The following LRRC4C variants were observed in gnomAD, a reference collection of about 807,000 sequenced individuals.
The protein encoded by LRRC4C is leucine-rich repeat-containing protein 4C.
LRRC4C carries 5 observed loss-of-function variants against 33.6 expected under a neutral mutation model. The observed-to-expected ratio is 0.15, with a 90% CI of 0.08 to 0.31. The LOEUF (loss-of-function observed/expected upper bound fraction) is 0.31. Among genes scored for constraint, LRRC4C ranks in the 10% least tolerant of loss-of-function variants. The pLI is 1.00. For synonymous variants in LRRC4C, 329 were observed against 302.0 expected (o/e 1.09, Z -0.93); for missense variants, 560 against 796.7 (o/e 0.70, Z 3.58).
intron 3 of LRRC4C, among the ~76,000 whole-genome samples, chr11:40,568,411 C>G (rs192863580): frequency 9.2e-5 from 14 of 152,248 alleles, no homozygotes; most frequent in Middle Eastern, 3.4e-3. Flanking sequence ...GCCCCTGGGC[C>G]GGAAGAGCCA....
chr11:41,036,692 A>C, intron 1 of LRRC4C, among the ~76,000 whole-genome samples: 1 of 152,338 alleles, frequency 6.6e-6, no homozygotes, highest in Non-Finnish European at 1.5e-5. Flanking sequence ...ATACAAATAT[A>C]AAATAATGTC....
At chr11:40,138,512 T>A (rs553586736) in intron 6 of LRRC4C, among the ~76,000 whole-genome samples, 1 of 152,314 alleles carries the variant, frequency 6.6e-6, no homozygotes, top group East Asian at 1.9e-4. Flanking sequence ...TTAGAAGTGC[T>A]CCTATCAATT....
rs370574515 is a variant in LRRC4C, at chr11:41,411,142, A to ATTTTTTTT, written c.-496+48281_-496+48288dup. ...ATGAGAAACACTTGGTTGGTACCCTATTTTTTTTTTTTTTTTTTTTTTTTG... is the reference window on the plus strand; with the variant it reads ...ATGAGAAACACTTGGTTGGTACCCTATTTTTTTTTTTTTTTTTTTTTTTTTTTTTTTTG... On this transcript the variant is annotated intron_variant, in intron 1 of 6. Coordinates refer to ENST00000528697, the MANE Select transcript of LRRC4C (RefSeq NM_001258419.2). 3.9e-3 allele frequency among the ~76,000 whole-genome samples: 221 copies of ATTTTTTTT among 57,210 alleles called. 41 individuals carry two copies. Among genetic ancestry groups the ATTTTTTTT allele is most frequent in the East Asian group, 0.012 (19 of 1,630 alleles). The allele number at this position is 57,210 out of a possible 152,430, so 37.5% of individuals were successfully genotyped here.
chr11:40,682,519 T>C (rs1158464199), intron 2 of LRRC4C, among the ~76,000 whole-genome samples: 1 of 152,094 alleles, frequency 6.6e-6, no homozygotes. Context: ...TTCACACCTA[T>C]AATCCCAGCA....
chr11:40,840,320 T>A (rs1044990361), intron 2 of LRRC4C, among the ~76,000 whole-genome samples: 1 of 152,196 alleles, frequency 6.6e-6, no homozygotes, highest in Admixed American at 6.5e-5. Context: ...CCAGCCTTCA[T>A]CCTACCAACA....
chr11:40,218,740 T>TATCTATCCATCCATTCATCTATCC (rs1491491352), intron 5 of LRRC4C, among the ~76,000 whole-genome samples: 1 of 134,540 alleles, frequency 7.4e-6, no homozygotes, highest in Non-Finnish European at 1.6e-5. Context: ...TCTATCTATC[T>TATCTATCCATCCATTCATCTATCC]ATCCATCCAT....
intron 1 of LRRC4C, among the ~76,000 whole-genome samples, chr11:41,045,771 T>A (rs574809772): frequency 6.6e-6 from 1 of 151,926 alleles, no homozygotes; most frequent in African/African-American, 2.4e-5. Flanking sequence ...CCTATCTCAG[T>A]GAGAGGTGAG....
intron 3 of LRRC4C, among the ~76,000 whole-genome samples, chr11:40,395,533 A>T (rs1690542736): frequency 6.6e-6 from 1 of 152,202 alleles, no homozygotes; most frequent in Non-Finnish European, 1.5e-5. Context: ...AATGGATTAG[A>T]TATCAAAGAA....
chr11:41,363,682 G>C (rs1464144507), intron 1 of LRRC4C, among the ~76,000 whole-genome samples: 5 of 152,130 alleles, frequency 3.3e-5, no homozygotes, highest in African/African-American at 7.2e-5. Context: ...AAGTAAATTA[G>C]ATATTTTTTG....
chr11:41,096,602 T>C (rs557542071), intron 1 of LRRC4C, among the ~76,000 whole-genome samples: 1 of 151,808 alleles, frequency 6.6e-6, no homozygotes, highest in South Asian at 2.1e-4. Context: ...TTTTTAAGAA[T>C]AAAAAAGGAG....
At chr11:41,108,977 C>G (rs1941671050) in intron 1 of LRRC4C, among the ~76,000 whole-genome samples, 1 of 152,092 alleles carries the variant, frequency 6.6e-6, no homozygotes, top group South Asian at 2.1e-4. Context: ...GCATTATAAA[C>G]AGGAGCTGGG....
chr11:41,126,045 T>A (rs1942722829), intron 1 of LRRC4C, among the ~76,000 whole-genome samples: 1 of 152,050 alleles, frequency 6.6e-6, no homozygotes, highest in Non-Finnish European at 1.5e-5. Context: ...AATAACCAAG[T>A]ACTACTTAAT....
At chr11:41,087,521 A>G (rs79022901) in intron 1 of LRRC4C, among the ~76,000 whole-genome samples, 10,629 of 151,982 alleles carry the variant, frequency 0.07, 565 homozygotes, top group East Asian at 0.21. Flanking sequence ...AAGGGACAGG[A>G]TTTTGCGATA....
intron 1 of LRRC4C, among the ~76,000 whole-genome samples, chr11:41,447,268 T>A (rs563636347): frequency 1.3e-5 from 2 of 152,196 alleles, no homozygotes; most frequent in Non-Finnish European, 2.9e-5. Flanking sequence ...ATTACCTGCA[T>A]ATGTTTATAC....
intron 3 of LRRC4C, among the ~76,000 whole-genome samples, chr11:40,365,068 A>G (rs1259841707): frequency 1.3e-5 from 2 of 151,574 alleles, no homozygotes; most frequent in Admixed American, 1.3e-4. Context: ...ACCACTTCAG[A>G]CAGAAGGAAA....
At chr11:40,861,924 TTCA>T (rs1431710601) in intron 2 of LRRC4C, among the ~76,000 whole-genome samples, 1 of 152,126 alleles carries the variant, frequency 6.6e-6, no homozygotes, top group Non-Finnish European at 1.5e-5. Flanking sequence ...AGCCAAGCCA[TTCA>T]TGAGGGCTCT....
chr11:40,285,481 A>C (rs537838357), intron 4 of LRRC4C, among the ~76,000 whole-genome samples: 1 of 152,290 alleles, frequency 6.6e-6, no homozygotes, highest in Non-Finnish European at 1.5e-5. Flanking sequence ...TCTAAACTCT[A>C]ACCTTACTAT....
chr11:41,097,749 A>G (rs1330643856), intron 1 of LRRC4C, among the ~76,000 whole-genome samples: 38 of 152,114 alleles, frequency 2.5e-4, no homozygotes, highest in Non-Finnish European at 1.2e-4. Context: ...ATGGTAACAA[A>G]GTATCTTATT....
intron 5 of LRRC4C, among the ~76,000 whole-genome samples, chr11:40,173,512 C>T (rs1028952586): frequency 6.6e-6 from 1 of 152,198 alleles, no homozygotes; most frequent in Admixed American, 6.5e-5. Context: ...ATACCTCCAA[C>T]TATTGCCCTT....
Sources: gnomAD v4.1 joint callset for allele counts (sites outside exome capture counted in the v4.1 genomes callset) on GRCh38, gnomAD v4.1.1 for gene constraint, MANE v1.5 for transcripts, NCBI Gene and HGNC (gene_info 2026-07-23, HGNC 2026-07-21) for gene names.